Variants in ATF1 observed in about 807,000 individuals in gnomAD.
ATF1 encodes the protein activating transcription factor 1, also known as cyclic AMP-dependent transcription factor ATF-1.
Under a neutral mutation model 34.7 loss-of-function variants are expected in ATF1, and 16 were observed. That is an observed-to-expected ratio of 0.46 (90% confidence interval 0.31 to 0.70). The LOEUF (loss-of-function observed/expected upper bound fraction) is 0.70, where lower values mean the gene tolerates loss of function less well. Among genes scored for constraint, ATF1 ranks in the 30% least tolerant of loss-of-function variants. The pLI, the probability that ATF1 is intolerant of heterozygous loss-of-function variation, is 0.05. For missense variants in ATF1, 255 were observed against 321.6 expected, an observed-to-expected ratio of 0.79 and a Z score of 1.58; for synonymous variants, 105 against 113.1, an observed-to-expected ratio of 0.93 and a Z score of 0.46.
At chr12:50,805,746 C>G (rs1460474760) in intron 3 of ATF1, among the ~76,000 whole-genome samples, 1 of 152,104 alleles carries the variant, frequency 6.6e-6, no homozygotes, top group Non-Finnish European at 1.5e-5. Flanking sequence ...CTTATGAACA[C>G]TCCCATCTTT....
intron 1 of ATF1, among the ~76,000 whole-genome samples, chr12:50,771,125 C>T (rs1466142810): frequency 6.6e-6 from 1 of 152,106 alleles, no homozygotes; most frequent in Non-Finnish European, 1.5e-5. Context: ...CCTGCCTCAG[C>T]CTCCCAAGTA....
At chr12:50,805,288 G>T (rs1215602286) in intron 3 of ATF1, among the ~76,000 whole-genome samples, 1 of 151,794 alleles carries the variant, frequency 6.6e-6, no homozygotes, top group African/African-American at 2.4e-5. Context: ...AGGCACGGTG[G>T]CTCATGCCTG....
chr12:50,817,539 G>A (rs1372026230), intron 6 of ATF1, among the ~76,000 whole-genome samples: 1 of 152,102 alleles, frequency 6.6e-6, no homozygotes, highest in African/African-American at 2.4e-5. Flanking sequence ...ATTATAAAGT[G>A]GTAATACTGT....
At chr12:50,788,010 TG>T (rs1280254312) in intron 2 of ATF1, among the ~76,000 whole-genome samples, 2 of 152,164 alleles carry the variant, frequency 1.3e-5, no homozygotes, top group Non-Finnish European at 2.9e-5. Context: ...TCAATGGATC[TG>T]GGCTTCTTTA....
At chr12:50,813,152 A>AC (rs1270403586) in intron 4 of ATF1, among the ~76,000 whole-genome samples, 3 of 152,244 alleles carry the variant, frequency 2.0e-5, no homozygotes, top group African/African-American at 7.2e-5. Flanking sequence ...GAAAGCATGA[A>AC]CACAGGTATA....
chr12:50,771,604 A>T (rs1463544769), intron 1 of ATF1, among the ~76,000 whole-genome samples: 1 of 152,058 alleles, frequency 6.6e-6, no homozygotes, highest in Non-Finnish European at 1.5e-5. Context: ...GACGGGGGGA[A>T]ATGTCAGAGG....
intron 2 of ATF1, among the ~76,000 whole-genome samples, chr12:50,781,837 C>A (rs1390626400): frequency 1.3e-5 from 2 of 151,138 alleles, no homozygotes; most frequent in Non-Finnish European, 2.9e-5. Context: ...ATTGTTTGAG[C>A]CCAGGAGTTC....
intron 6 of ATF1, 41 bp from the exon 7 acceptor site, chr12:50,819,594 G>GAAGT: frequency 1.9e-6 from 3 of 1,596,684 alleles, no homozygotes; most frequent in Non-Finnish European, 2.6e-6. Context: ...TAAAGAATGT[G>GAAGT]AAGTTTTTTC....
intron 1 of ATF1, among the ~76,000 whole-genome samples, chr12:50,771,807 C>T (rs189862688): frequency 6.6e-6 from 1 of 152,138 alleles, no homozygotes; most frequent in South Asian, 2.1e-4. Context: ...CCACCAAAAC[C>T]AAAATGGCCA....
At chr12:50,788,741 A>G (rs1565907414) in intron 2 of ATF1, among the ~76,000 whole-genome samples, 1 of 152,204 alleles carries the variant, frequency 6.6e-6, no homozygotes, top group Non-Finnish European at 1.5e-5. Flanking sequence ...CAAAGTGGCA[A>G]AAAATTTGAG....
At chr12:50,813,963 G>C (rs780969700) in intron 4 of ATF1, 47 bp from the exon 5 acceptor site, 8 of 1,543,464 alleles carry the variant, frequency 5.2e-6, no homozygotes, top group Non-Finnish European at 7.0e-6. Context: ...CTTTGAATTA[G>C]TGTATTATAT....
intron 3 of ATF1, among the ~76,000 whole-genome samples, chr12:50,800,148 G>A (rs1285587293): frequency 6.6e-6 from 1 of 152,184 alleles, no homozygotes; most frequent in Non-Finnish European, 1.5e-5. Flanking sequence ...CATTGTGAAT[G>A]ACTACAGAGT....
chr12:50,813,972 A>G (rs768737263), intron 4 of ATF1, 38 bp from the exon 5 acceptor site: 2 of 1,577,232 alleles, frequency 1.3e-6, no homozygotes, highest in Non-Finnish European at 1.7e-6. Flanking sequence ...AGTGTATTAT[A>G]TAACCTTACA....
intron 1 of ATF1, among the ~76,000 whole-genome samples, chr12:50,767,645 T>TA (rs1300514338): frequency 6.6e-6 from 1 of 152,234 alleles, no homozygotes; most frequent in Non-Finnish European, 1.5e-5. Context: ...AGTCTCCACC[T>TA]TGTTTTACGT....
rs372011113 is a variant in ATF1 at position 50,796,014 on chromosome 12, G to T, written c.194+5G>T. ...AGCACGGCGCCCATCTTACAGGTGA[G>T]TACTCTCTTGTATGAAGCCCTGCAT... On this transcript the variant is annotated splice_donor_5th_base_variant and intron_variant, in intron 3 of 6. Coordinates refer to ENST00000262053, the MANE Select transcript of ATF1 (RefSeq NM_005171.5). The T allele has an allele frequency of 5.0e-6, 8 of 1,593,072 alleles. No individual in the cohort carries two copies. The highest frequency in any genetic ancestry group is 2.7e-5 in the African/African-American group (2 of 73,718).
chr12:50,777,585 G>A (rs1053866892), intron 1 of ATF1, among the ~76,000 whole-genome samples: 1 of 151,944 alleles, frequency 6.6e-6, no homozygotes, highest in South Asian at 2.1e-4. Context: ...AGACCAGCCT[G>A]GGCAACATGG....
chr12:50,795,627 T>C (rs1327933758), intron 2 of ATF1, among the ~76,000 whole-genome samples: 1 of 152,076 alleles, frequency 6.6e-6, no homozygotes, highest in Non-Finnish European at 1.5e-5. Flanking sequence ...CATCAGAGCC[T>C]GGTCTTTTTA....
chr12:50,778,471 C>A (rs1330614412), intron 1 of ATF1, among the ~76,000 whole-genome samples: 3 of 152,100 alleles, frequency 2.0e-5, no homozygotes, highest in East Asian at 3.9e-4. Context: ...GATCCACCCA[C>A]CTCGGCCTCC....
Position 50,820,636 on chromosome 12 carries a change from A to T in ATF1, c.*857A>T. 5.6e-6 allele frequency: 1 copy of T among 177,672 alleles called. No homozygotes were observed. The highest frequency in any genetic ancestry group is 9.4e-5 in the East Asian group (1 of 10,670). The allele number at this position is 177,672 out of a possible 1,614,324, so 11.0% of individuals were successfully genotyped here. ...TACAGGCCCTTAAAATATTATTTTT[A>T]AAAAACCTTCTGAAGATACATACCA... is the stretch of plus-strand genomic sequence containing the variant. On this transcript the variant is annotated 3_prime_UTR_variant, in exon 7 of 7. Coordinates refer to ENST00000262053, the MANE Select transcript of ATF1 (RefSeq NM_005171.5).
Sources: allele counts gnomAD v4.1 joint callset (sites outside exome capture counted in the v4.1 genomes callset), GRCh38; gene constraint gnomAD v4.1.1; transcripts MANE v1.5; gene names NCBI Gene and HGNC (gene_info 2026-07-23, HGNC 2026-07-21).